MCF2L2: variants seen among roughly 807,000 people sequenced by gnomAD.
MCF2L2 encodes probable guanine nucleotide exchange factor MCF2L2.
Under a neutral mutation model 150.2 loss-of-function variants are expected in MCF2L2, and 102 were observed. The observed-to-expected ratio is 0.68, with a 90% CI of 0.58 to 0.80. The LOEUF (loss-of-function observed/expected upper bound fraction) is 0.80, where lower values mean the gene tolerates loss of function less well. Ranked by LOEUF, MCF2L2 falls within the 30% of genes least tolerant of loss-of-function variation. MCF2L2 has a pLI of 0.00. For missense variants in MCF2L2, 1,256 were observed against 1,372.8 expected (o/e 0.91, Z 1.34); for synonymous variants, 465 against 491.3 (o/e 0.95, Z 0.71).
intron 3 of MCF2L2, among the ~76,000 whole-genome samples, chr3:183,370,854 C>T (rs1712832704): frequency 6.6e-6 from 1 of 152,242 alleles, no homozygotes; most frequent in South Asian, 2.1e-4. Context: ...TTTCAGGCCT[C>T]AGTTGGGTGC....
At chr3:183,198,973 GT>G (rs1175992688) in intron 25 of MCF2L2, among the ~76,000 whole-genome samples, 3 of 152,000 alleles carry the variant, frequency 2.0e-5, no homozygotes, top group Non-Finnish European at 2.9e-5. Context: ...GTAAACCATA[GT>G]TTTTTTCCCA....
intron 1 of MCF2L2, among the ~76,000 whole-genome samples, chr3:183,417,047 G>A (rs956493245): frequency 9.3e-5 from 13 of 139,558 alleles, no homozygotes; most frequent in African/African-American, 3.6e-4. Flanking sequence ...GGGAGTCAAA[G>A]GTTGCAGTGA....
rs777445125 is a variant in MCF2L2 at position 183,219,862 on chromosome 3, C to G, written c.2364G>C (p.Ser788=). Reference sequence around the variant, plus strand: ...AATATTTAATATTGAGTACCTTAGCCGAGCCTCCTAGTTCACCTGGGTCTA... The same window carrying G: ...AATATTTAATATTGAGTACCTTAGCGGAGCCTCCTAGTTCACCTGGGTCTA... The part of the protein sequence containing the change: ...MEIDPGELGG[S]AKDGPKRTKD... The change falls in exon 21 of 30, where the codon TCG becomes TCC. Residue 788 remains serine, a synonymous_variant. Transcript: ENST00000328913. 1.9e-6 allele frequency: 3 copies of G among 1,610,392 alleles called. No homozygotes were observed. Among genetic ancestry groups the G allele is most frequent in the African/African-American group, 2.7e-5 (2 of 74,774 alleles).
At chr3:183,389,569 A>T in intron 2 of MCF2L2, 127 bp downstream of exon 2, 3 of 743,812 alleles carry the variant, frequency 4.0e-6, no homozygotes, top group Non-Finnish European at 7.0e-6. Context: ...AGCCTGTTCT[A>T]GTCCCGGGTG....
At chr3:183,317,824 C>T (rs973506930) in intron 7 of MCF2L2, among the ~76,000 whole-genome samples, 5 of 152,138 alleles carry the variant, frequency 3.3e-5, no homozygotes, top group African/African-American at 1.2e-4. Flanking sequence ...CTTCACTCAC[C>T]ACCCAGTCTC....
At chr3:183,347,561 T>C (rs1335905681) in intron 3 of MCF2L2, among the ~76,000 whole-genome samples, 1 of 152,152 alleles carries the variant, frequency 6.6e-6, no homozygotes, top group Non-Finnish European at 1.5e-5. Context: ...AAATGGAATC[T>C]AACTAAACTA....
chr3:183,307,082 G>A (rs539089461), intron 10 of MCF2L2, among the ~76,000 whole-genome samples: 26 of 152,350 alleles, frequency 1.7e-4, no homozygotes, highest in East Asian at 7.7e-4. Flanking sequence ...ATCAGCATGC[G>A]ACAGGAGCCT....
intron 15 of MCF2L2, among the ~76,000 whole-genome samples, chr3:183,249,673 C>T (rs1427591158): frequency 6.6e-6 from 1 of 152,156 alleles, no homozygotes; most frequent in Non-Finnish European, 1.5e-5. Context: ...AGGGAGGATG[C>T]TGAAGGGTGC....
chr3:183,353,564 G>C (rs574197510), intron 3 of MCF2L2, among the ~76,000 whole-genome samples: 8 of 152,216 alleles, frequency 5.3e-5, no homozygotes, highest in African/African-American at 1.9e-4. Context: ...GCAAAGCGGG[G>C]CAGGCACGTC....
chr3:183,260,999 C>G (rs9819105), intron 15 of MCF2L2, among the ~76,000 whole-genome samples: 1 of 152,012 alleles, frequency 6.6e-6, no homozygotes, highest in African/African-American at 2.4e-5. Context: ...GGTAGAATTT[C>G]TTTTCTTTTT....
At chr3:183,298,064 G>A (rs1030242610) in intron 11 of MCF2L2, 1 of 152,154 alleles carries the variant, frequency 6.6e-6, no homozygotes, top group Non-Finnish European at 1.5e-5. Context: ...GCATTTACTG[G>A]CGTTTGTCTT....
intron 27 of MCF2L2, among the ~76,000 whole-genome samples, chr3:183,185,111 G>T (rs1267324773): frequency 6.6e-6 from 1 of 152,118 alleles, no homozygotes; most frequent in African/African-American, 2.4e-5. Flanking sequence ...GTAGAGACAG[G>T]GTTTCACCAT....
chr3:183,277,045 T>C (rs1727199130), intron 14 of MCF2L2, 88 bp from the exon 15 acceptor site: 1 of 960,342 alleles, frequency 1.0e-6, no homozygotes, highest in Non-Finnish European at 1.6e-6. Flanking sequence ...GTGTTTGATT[T>C]TGGTTTTGAG....
chr3:183,346,595 C>A (rs1730908383), intron 3 of MCF2L2, among the ~76,000 whole-genome samples: 1 of 152,132 alleles, frequency 6.6e-6, no homozygotes, highest in African/African-American at 2.4e-5. Context: ...AAAGGGTATT[C>A]AAATCGGAAG....
At chr3:183,369,993 A>G (rs1261050200) in intron 3 of MCF2L2, among the ~76,000 whole-genome samples, 5 of 152,226 alleles carry the variant, frequency 3.3e-5, no homozygotes, top group Admixed American at 2.6e-4. Context: ...CCCATATCAC[A>G]TAATAAATAG....
chr3:183,348,419 TAGG>T (rs1730984330), intron 3 of MCF2L2, among the ~76,000 whole-genome samples: 1 of 56,348 alleles, frequency 1.8e-5, no homozygotes, highest in Admixed American at 1.9e-4. Flanking sequence ...GGGGGTCGGG[TAGG>T]GGGGGCGAGG....
intron 3 of MCF2L2, among the ~76,000 whole-genome samples, chr3:183,369,542 T>C (rs1378608663): frequency 6.6e-6 from 1 of 152,132 alleles, no homozygotes; most frequent in Non-Finnish European, 1.5e-5. Flanking sequence ...ACGTTTCTCC[T>C]TGTATAAATA....
chr3:183,180,118 CT>C lies in MCF2L2; in HGVS notation c.3057del (p.Asp1020ThrfsTer15). On this transcript the variant is annotated frameshift_variant, in exon 28 of 30. Transcript: ENST00000328913. LOFTEE classifies it high-confidence loss of function. Reference sequence around the variant, plus strand: ...TCCATGTCTTCTGCGCCTTCACAGTCTTCAAAGGTGTCCATGGAGCTAAACT... The same window carrying C: ...TCCATGTCTTCTGCGCCTTCACAGTCTCAAAGGTGTCCATGGAGCTAAACT... ...SREFSSMDTFEDCEGAEDMEK... is the reference protein window; with the variant it reads ...SREFSSMDTFXDCEGAEDMEK... The C allele has an allele frequency of 1.9e-6, 3 of 1,614,092 alleles. No homozygotes were observed. The highest frequency in any genetic ancestry group is 2.5e-6 in the Non-Finnish European group (3 of 1,179,982).
intron 3 of MCF2L2, among the ~76,000 whole-genome samples, chr3:183,341,915 G>A (rs1456879909): frequency 3.9e-5 from 6 of 152,228 alleles, no homozygotes; most frequent in Non-Finnish European, 8.8e-5. Flanking sequence ...CGTGTCAGGT[G>A]AGCATCACAT....
Sources: allele counts gnomAD v4.1 joint callset (sites outside exome capture counted in the v4.1 genomes callset), GRCh38; gene constraint gnomAD v4.1.1; transcripts MANE v1.5; gene names NCBI Gene and HGNC (gene_info 2026-07-23, HGNC 2026-07-21).